The following BRWD1 variants were observed in gnomAD, a reference collection of about 807,000 sequenced individuals.
The protein encoded by BRWD1 is bromodomain and WD repeat-containing protein 1.
BRWD1 carries 82 observed loss-of-function variants against 251.2 expected under a neutral mutation model. The ratio of observed to expected loss-of-function variants is 0.33; its 90% CI spans 0.27 to 0.39. The LOEUF (loss-of-function observed/expected upper bound fraction) is 0.39. Among genes scored for constraint, BRWD1 ranks in the 10% least tolerant of loss-of-function variants. The probability of loss-of-function intolerance (pLI) is 1.00; values close to 1 mark genes in which losing one functional copy is unlikely to be tolerated. For synonymous variants in BRWD1, 918 were observed against 902.8 expected, an observed-to-expected ratio of 1.02 and a Z score of -0.30; for missense variants, 2,233 against 2,711.6, an observed-to-expected ratio of 0.82 and a Z score of 3.92.
chr21:39,261,022 C>T (rs538432872), intron 17 of BRWD1, among the ~76,000 whole-genome samples: 15 of 152,050 alleles, frequency 9.9e-5, no homozygotes, highest in Non-Finnish European at 1.6e-4. Flanking sequence ...GTCAGGAGTT[C>T]GAGACCAGAC....
chr21:39,276,323 G>T, intron 11 of BRWD1, 110 bp from the exon 12 acceptor site: 1 of 875,682 alleles, frequency 1.1e-6, no homozygotes. Flanking sequence ...AGCAAAATTT[G>T]CACTTGTGTT....
intron 21 of BRWD1, among the ~76,000 whole-genome samples, chr21:39,243,821 G>A (rs1400010796): frequency 6.6e-6 from 1 of 152,144 alleles, no homozygotes; most frequent in Non-Finnish European, 1.5e-5. Flanking sequence ...AGAGGCATAT[G>A]TACAACTCAC....
At chr21:39,294,447 G>GGA (rs949292859) in intron 7 of BRWD1, among the ~76,000 whole-genome samples, 1 of 151,882 alleles carries the variant, frequency 6.6e-6, no homozygotes, top group African/African-American at 2.4e-5. Context: ...CACAAGGTCA[G>GGA]GAGATCGAGA....
At chr21:39,238,625 ATGTCC>A in intron 21 of BRWD1, 52 bp from the exon 22 acceptor site, 1 of 1,258,828 alleles carries the variant, frequency 7.9e-7, no homozygotes, top group South Asian at 1.2e-5. Flanking sequence ...TAAACAACAC[ATGTCC>A]AGAAAAAAGC....
chr21:39,274,966 G>A (rs868239522), intron 12 of BRWD1, among the ~76,000 whole-genome samples: 4 of 152,096 alleles, frequency 2.6e-5, no homozygotes, highest in South Asian at 2.1e-4. Context: ...CTTGAACCCA[G>A]GAGGGGGAGG....
At chr21:39,238,996 G>GGT (rs1049115990) in intron 21 of BRWD1, among the ~76,000 whole-genome samples, 11 of 152,032 alleles carry the variant, frequency 7.2e-5, no homozygotes, top group African/African-American at 2.2e-4. Context: ...TCTTTGGTGA[G>GGT]GTGTCTGTTA....
chr21:39,277,290 A>G lies in BRWD1; in HGVS notation c.1065T>C (p.Phe355=), dbSNP rs757079006. The G allele has an allele frequency of 5.6e-6, 9 of 1,611,588 alleles. No individual in the cohort carries two copies. Among genetic ancestry groups the G allele is most frequent in the Non-Finnish European group, 7.6e-6 (9 of 1,178,772 alleles). Residue 355 remains phenylalanine (F), a synonymous_variant, in exon 11 of 41, where the codon TTT becomes TTC. Transcript: ENST00000342449. ...GTTCTGCGATTTTTTCGGGTGCTTC[A>G]AAACCCAAAAAATACATTCTGATTA... ...DHVIRMYFLG[F]EAPEKIAELE...
Position 39,238,463 on chromosome 21 carries a change from C to G in BRWD1, c.2576+16G>C, listed in dbSNP as rs747785081. The G allele has an allele frequency of 1.9e-6, 3 of 1,593,122 alleles. No homozygotes were observed. The highest frequency in any genetic ancestry group is 1.3e-5 in the African/African-American group (1 of 74,440). On this transcript the variant is annotated intron_variant, in intron 22 of 40. Coordinates refer to ENST00000342449, the MANE Select transcript of BRWD1 (RefSeq NM_033656.4). ...GACTAAAATGCTTAAAAGACCACAA[C>G]AATAAAAACAGATACCTTGAACTTT...
Position 39,187,093 on chromosome 21 carries a change from A to T in BRWD1, c.*9166T>A. 1 of 1,602,984 alleles carries T rather than the reference A, an allele frequency of 6.2e-7. No individual in the cohort carries two copies. The highest frequency in any genetic ancestry group is 8.5e-7 in the Non-Finnish European group (1 of 1,177,278). On this transcript the variant is annotated 3_prime_UTR_variant, in exon 41 of 41. Coordinates refer to ENST00000342449, the MANE Select transcript of BRWD1 (RefSeq NM_033656.4). ...AAGCATTTTTCTATTAATATCTTCT[A>T]GCTCTTTTTCACTTTCAGAATTTAT...
At chr21:39,285,871 CAAAAAAA>C (rs113834787) in intron 8 of BRWD1, among the ~76,000 whole-genome samples, 3 of 101,470 alleles carry the variant, frequency 3.0e-5, no homozygotes, top group African/African-American at 7.5e-5. Flanking sequence ...GCCCAGTCAA[CAAAAAAA>C]AAAAAAAAAA....
intron 33 of BRWD1, among the ~76,000 whole-genome samples, 154 bp from the exon 34 acceptor site, chr21:39,212,861 T>C (rs1196153228): frequency 2.0e-5 from 3 of 152,058 alleles, no homozygotes; most frequent in African/African-American, 7.3e-5. Flanking sequence ...AGATGATCTT[T>C]GTGGCACCCA....
intron 21 of BRWD1, among the ~76,000 whole-genome samples, chr21:39,244,875 T>C (rs1432179173): frequency 7.0e-6 from 1 of 143,700 alleles, no homozygotes; most frequent in African/African-American, 2.5e-5. Flanking sequence ...GACTATCCAA[T>C]TGCTTAAGTC....
intron 8 of BRWD1, among the ~76,000 whole-genome samples, chr21:39,290,900 G>A (rs2035788902): frequency 6.6e-6 from 1 of 152,160 alleles, no homozygotes; most frequent in Non-Finnish European, 1.5e-5. Context: ...GGGAGGTGGA[G>A]GAAGAAGGAC....
chr21:39,232,041 G>C (rs1292093271), intron 25 of BRWD1, 136 bp downstream of exon 25: 1 of 816,870 alleles, frequency 1.2e-6, no homozygotes, highest in African/African-American at 1.8e-5. Flanking sequence ...CTTAAGGTTT[G>C]GTTACAGCAG....
At chr21:39,255,426 A>G (rs2034532627) in intron 19 of BRWD1, among the ~76,000 whole-genome samples, 1 of 152,072 alleles carries the variant, frequency 6.6e-6, no homozygotes, top group Admixed American at 6.5e-5. Context: ...AAAAAAAAAG[A>G]AAAGAAGCAA....
Position 39,193,348 on chromosome 21 carries a change from T to A in BRWD1, c.*2911A>T. 1.0e-6 allele frequency: 1 copy of A among 984,908 alleles called. No homozygotes were observed. The highest frequency in any genetic ancestry group is 1.2e-6 in the Non-Finnish European group (1 of 829,496). The allele number at this position is 984,908 out of a possible 1,614,324, so 61.0% of individuals were successfully genotyped here. A position where few individuals can be genotyped will look rare whatever the true frequency, so the allele number is the denominator to read the frequency against. Reference sequence around the variant, plus strand: ...AGGGAGGCTGACCTTAGGAATTATTTGAATATGGGATAAACTTTTCCTTTT... The same window carrying A: ...AGGGAGGCTGACCTTAGGAATTATTAGAATATGGGATAAACTTTTCCTTTT... On this transcript the variant is annotated 3_prime_UTR_variant, in exon 41 of 41. Transcript: ENST00000342449.
intron 5 of BRWD1, chr21:39,296,787 C>T (rs2035972835): frequency 3.1e-6 from 3 of 957,762 alleles, no homozygotes; most frequent in Non-Finnish European, 1.2e-6. Context: ...CCATTTAATG[C>T]CAAGTGTTTA....
At chr21:39,258,278 A>G (rs2034625746) in intron 18 of BRWD1, among the ~76,000 whole-genome samples, 1 of 152,200 alleles carries the variant, frequency 6.6e-6, no homozygotes, top group Admixed American at 6.5e-5. Context: ...TTAGAGTACA[A>G]AAGGCTTCAG....
chr21:39,314,241 A>C (rs1397425239), upstream of BRWD1: 1 of 455,622 alleles, frequency 2.2e-6, no homozygotes, highest in Admixed American at 2.4e-5. Flanking sequence ...GGGGCCTCGT[A>C]TGCTGGCGTT....
Sources: allele counts gnomAD v4.1 joint callset (sites outside exome capture counted in the v4.1 genomes callset), GRCh38; gene constraint gnomAD v4.1.1; transcripts MANE v1.5; gene names NCBI Gene and HGNC (gene_info 2026-07-23, HGNC 2026-07-21).